The following FCHSD2 variants were observed in gnomAD, a reference collection of about 807,000 sequenced individuals.
FCHSD2 encodes F-BAR and double SH3 domains protein 2.
FCHSD2 carries 38 observed loss-of-function variants against 108.1 expected under a neutral mutation model. The ratio of observed to expected loss-of-function variants is 0.35; its 90% CI spans 0.27 to 0.46. The LOEUF is 0.46. Among genes scored for constraint, FCHSD2 ranks in the 20% least tolerant of loss-of-function variants. The probability of loss-of-function intolerance (pLI) is 1.00; values close to 1 mark genes in which losing one functional copy is unlikely to be tolerated. For synonymous variants in FCHSD2, 279 were observed against 314.7 expected (o/e 0.89, Z 1.20); for missense variants, 751 against 897.8 (o/e 0.84, Z 2.09).
At chr11:73,133,043 A>G (rs1286097249) in intron 2 of FCHSD2, among the ~76,000 whole-genome samples, 1 of 152,194 alleles carries the variant, frequency 6.6e-6, no homozygotes, top group Non-Finnish European at 1.5e-5. Flanking sequence ...TGTTAGAAAA[A>G]TGCACGTCAA....
chr11:73,016,760 C>G (rs1390174042), intron 3 of FCHSD2, among the ~76,000 whole-genome samples: 1 of 152,174 alleles, frequency 6.6e-6, no homozygotes, highest in Non-Finnish European at 1.5e-5. Flanking sequence ...TACCATGACA[C>G]AAGTCACTTC....
At chr11:72,962,280 C>T (rs914053582) in intron 8 of FCHSD2, among the ~76,000 whole-genome samples, 1 of 152,290 alleles carries the variant, frequency 6.6e-6, no homozygotes, top group African/African-American at 2.4e-5. Flanking sequence ...GGCTGAATAA[C>T]GTGATGATGC....
At chr11:73,102,155 A>G (rs1464714796) in intron 2 of FCHSD2, among the ~76,000 whole-genome samples, 1 of 152,216 alleles carries the variant, frequency 6.6e-6, no homozygotes, top group Non-Finnish European at 1.5e-5. Context: ...TCATCAGGGA[A>G]ATGCAAATTA....
chr11:73,124,669 TC>T (rs1398730806), intron 2 of FCHSD2, among the ~76,000 whole-genome samples: 1 of 151,486 alleles, frequency 6.6e-6, no homozygotes, highest in Non-Finnish European at 1.5e-5. Context: ...GGCAGGAGAA[TC>T]ACTTGAACCA....
At chr11:72,986,171 A>AT (rs1857307655) in intron 6 of FCHSD2, among the ~76,000 whole-genome samples, 2 of 152,100 alleles carry the variant, frequency 1.3e-5, no homozygotes, top group African/African-American at 4.8e-5. Flanking sequence ...GATTCCTGTT[A>AT]TTTTTTACCT....
rs141420513 is a variant in FCHSD2, at chr11:73,017,069, A to C, written c.166-1184T>G. Reference sequence around the variant, plus strand: ...GCGATCATGGCTCAATGCAGCCTCAACTTCCTGGGCTCAAACAATCCTCCC... The same window carrying C: ...GCGATCATGGCTCAATGCAGCCTCACCTTCCTGGGCTCAAACAATCCTCCC... On this transcript the variant is annotated intron_variant, in intron 3 of 19. Transcript: ENST00000409418. Among the ~76,000 whole-genome samples, 44 of 152,186 alleles carry C rather than the reference A, an allele frequency of 2.9e-4. 1 individual carries two copies. Among genetic ancestry groups the C allele is most frequent in the Admixed American group, 1.7e-3 (26 of 15,296 alleles).
intron 3 of FCHSD2, among the ~76,000 whole-genome samples, chr11:73,057,062 G>A (rs1157308263): frequency 1.3e-5 from 2 of 152,088 alleles, no homozygotes; most frequent in African/African-American, 2.4e-5. Context: ...TAGCCTGGGC[G>A]ACAGAGCAAG....
intron 8 of FCHSD2, among the ~76,000 whole-genome samples, chr11:72,969,955 T>G (rs1395581203): frequency 1.3e-5 from 2 of 152,240 alleles, no homozygotes; most frequent in African/African-American, 4.8e-5. Context: ...GGCCAGGGAC[T>G]ATTTTAATCT....
intron 3 of FCHSD2, among the ~76,000 whole-genome samples, chr11:73,047,234 A>G (rs894574724): frequency 6.6e-6 from 1 of 151,988 alleles, no homozygotes; most frequent in Non-Finnish European, 1.5e-5. Flanking sequence ...TGTTAAAACT[A>G]CCATTTTTTT....
At chr11:72,875,054 C>T (rs1201146080) in intron 12 of FCHSD2, among the ~76,000 whole-genome samples, 10 of 152,158 alleles carry the variant, frequency 6.6e-5, no homozygotes, top group Non-Finnish European at 8.8e-5. Flanking sequence ...AACATAAACA[C>T]ATATAAGTGT....
intron 8 of FCHSD2, among the ~76,000 whole-genome samples, chr11:72,934,960 G>A (rs979087575): frequency 1.3e-5 from 2 of 151,994 alleles, no homozygotes; most frequent in East Asian, 1.9e-4. Flanking sequence ...AAGCAGCCAC[G>A]TCCTTTCCAG....
At chr11:73,136,783 A>G (rs1271280948) in intron 2 of FCHSD2, among the ~76,000 whole-genome samples, 1 of 152,176 alleles carries the variant, frequency 6.6e-6, no homozygotes, top group Non-Finnish European at 1.5e-5. Flanking sequence ...TAATCCTAGC[A>G]CTTTGGGAGG....
chr11:72,964,679 C>T (rs1856871908), intron 8 of FCHSD2, among the ~76,000 whole-genome samples: 1 of 152,206 alleles, frequency 6.6e-6, no homozygotes, highest in African/African-American at 2.4e-5. Context: ...TTACAACCCA[C>T]AGCCCCAGGT....
Position 72,921,819 on chromosome 11 carries a change from G to T in FCHSD2, c.828+9C>A, listed in dbSNP as rs1050382812. ...GATAACACTACACGTTGCACTAAAG[G>T]TAACTTACCTTGCTGGAGTTTTCTA... On this transcript the variant is annotated intron_variant, in intron 9 of 19. Coordinates refer to ENST00000409418, the MANE Select transcript of FCHSD2 (RefSeq NM_014824.3). 37 of 1,609,660 alleles carry T rather than the reference G, an allele frequency of 2.3e-5. No homozygotes were observed. The highest frequency in any genetic ancestry group is 3.1e-5 in the Non-Finnish European group (36 of 1,177,238).
intron 2 of FCHSD2, among the ~76,000 whole-genome samples, chr11:73,123,405 G>A (rs7930059): frequency 5.3e-5 from 8 of 152,110 alleles, no homozygotes; most frequent in African/African-American, 4.8e-5. Flanking sequence ...GAAAAGTAGC[G>A]CTCATCCTTA....
intron 2 of FCHSD2, among the ~76,000 whole-genome samples, chr11:73,124,202 T>C (rs192353971): frequency 1.8e-4 from 28 of 152,094 alleles, no homozygotes; most frequent in African/African-American, 5.3e-4. Flanking sequence ...TGGATGGGAA[T>C]TGAACAATGA....
intron 3 of FCHSD2, among the ~76,000 whole-genome samples, chr11:73,019,710 GAC>G (rs1858054969): frequency 6.6e-6 from 1 of 152,112 alleles, no homozygotes; most frequent in Admixed American, 6.6e-5. Flanking sequence ...TGGATGCTCA[GAC>G]ATACTCTGGG....
chr11:72,858,809 G>A (rs1228972470), intron 13 of FCHSD2, among the ~76,000 whole-genome samples: 1 of 152,120 alleles, frequency 6.6e-6, no homozygotes, highest in Non-Finnish European at 1.5e-5. Flanking sequence ...CAGGAAAATG[G>A]ATTTGTGCTT....
intron 2 of FCHSD2, among the ~76,000 whole-genome samples, chr11:73,091,712 C>T (rs1412574949): frequency 6.6e-6 from 1 of 152,078 alleles, no homozygotes; most frequent in Non-Finnish European, 1.5e-5. Flanking sequence ...GGAATTTCCT[C>T]CCGTTATTTG....
Sources: allele counts gnomAD v4.1 joint callset (sites outside exome capture counted in the v4.1 genomes callset), GRCh38; gene constraint gnomAD v4.1.1; transcripts MANE v1.5; gene names NCBI Gene and HGNC (gene_info 2026-07-23, HGNC 2026-07-21).